Variants in ANKRD12 observed in about 807,000 individuals in gnomAD.
ANKRD12 encodes ankyrin repeat domain-containing protein 12.
In ANKRD12, 85 loss-of-function variants were observed where a neutral mutation model predicts 183.4. That is an observed-to-expected ratio of 0.46 (90% CI 0.39 to 0.56). ANKRD12 has a LOEUF of 0.56. Among genes scored for constraint, ANKRD12 ranks in the 20% least tolerant of loss-of-function variants. The pLI is 0.00. For synonymous variants in ANKRD12, 914 were observed against 800.2 expected (o/e 1.14, Z -2.40); for missense variants, 2,405 against 2,357.1 (o/e 1.02, Z -0.42).
chr18:9,241,785 A>G (rs956660363), intron 8 of ANKRD12, among the ~76,000 whole-genome samples: 3 of 152,132 alleles, frequency 2.0e-5, no homozygotes, highest in Admixed American at 6.6e-5. Flanking sequence ...AAATGTATAT[A>G]TCACCAACTT....
intron 1 of ANKRD12, among the ~76,000 whole-genome samples, chr18:9,165,967 A>G (rs1387448888): frequency 2.0e-5 from 3 of 146,484 alleles, no homozygotes; most frequent in Non-Finnish European, 3.0e-5. Context: ...GAGAACATGC[A>G]CTGTTTGGTT....
intron 6 of ANKRD12, among the ~76,000 whole-genome samples, chr18:9,212,556 C>T (rs1001637657): frequency 5.9e-5 from 9 of 151,782 alleles, no homozygotes; most frequent in East Asian, 1.9e-4. Flanking sequence ...TATAGCATTC[C>T]GTAGGCAACA....
intron 4 of ANKRD12, among the ~76,000 whole-genome samples, chr18:9,207,969 A>G (rs2035580257): frequency 6.6e-6 from 1 of 152,206 alleles, no homozygotes; most frequent in African/African-American, 2.4e-5. Flanking sequence ...GGTTTCCCAG[A>G]TAGTTAAATC....
intron 8 of ANKRD12, among the ~76,000 whole-genome samples, chr18:9,231,560 G>C (rs1399923772): frequency 6.6e-6 from 1 of 151,936 alleles, no homozygotes; most frequent in Non-Finnish European, 1.5e-5. Flanking sequence ...GGGCGCGGTG[G>C]CTCGAGCCTG....
intron 4 of ANKRD12, among the ~76,000 whole-genome samples, chr18:9,204,763 C>A (rs72937283): frequency 6.6e-6 from 1 of 152,144 alleles, no homozygotes; most frequent in Non-Finnish European, 1.5e-5. Context: ...AGCAGGACTG[C>A]CATATACCTC....
intron 8 of ANKRD12, among the ~76,000 whole-genome samples, chr18:9,246,457 G>A (rs970240630): frequency 6.6e-6 from 1 of 152,076 alleles, no homozygotes; most frequent in African/African-American, 2.4e-5. Context: ...CCCTGCCCAT[G>A]AAAAGTTTAT....
At chr18:9,251,929 A>G (rs933828271) in intron 8 of ANKRD12, among the ~76,000 whole-genome samples, 2 of 152,278 alleles carry the variant, frequency 1.3e-5, no homozygotes, top group Admixed American at 1.3e-4. Flanking sequence ...GATGATCAAC[A>G]TTAAAAATTT....
rs117059076 is a variant in ANKRD12, at chr18:9,202,632, C to T, written c.236-1844C>T. On this transcript the variant is annotated intron_variant, in intron 3 of 12. Coordinates refer to ENST00000262126, the MANE Select transcript of ANKRD12 (RefSeq NM_015208.5). The stretch of plus-strand genomic sequence containing the variant: ...AAAATACAAGTGTCACTTGTTTTGC[C>T]TCGCTACAAGGAACATATGTGGGAG... 1.8e-4 allele frequency among the ~76,000 whole-genome samples: 27 copies of T among 152,228 alleles called. No homozygotes were observed. In the East Asian group the frequency reaches 4.8e-3, roughly 27 times the overall value.
rs563541355 is a variant in ANKRD12 at position 9,153,567 on chromosome 18, G to C, written c.-52+16602G>C. On this transcript the variant is annotated intron_variant, in intron 1 of 12. Transcript: ENST00000262126. Reference sequence around the variant, plus strand: ...ACTGTGTGTCCCAGGATGTATTCCAGACAATTTAATCTGAGTTCTTTCACC... The same window carrying C: ...ACTGTGTGTCCCAGGATGTATTCCACACAATTTAATCTGAGTTCTTTCACC... Among the ~76,000 whole-genome samples, 11 of 152,234 alleles carry C rather than the reference G, an allele frequency of 7.2e-5. No homozygotes were observed. In the East Asian group the frequency reaches 1.5e-3, roughly 21 times the overall value.
intron 8 of ANKRD12, among the ~76,000 whole-genome samples, chr18:9,245,593 CAG>C (rs1478644307): frequency 4.6e-5 from 7 of 152,252 alleles, no homozygotes; most frequent in South Asian, 2.1e-4. Context: ...GTGAATATCT[CAG>C]AATCAGGTAA....
intron 3 of ANKRD12, among the ~76,000 whole-genome samples, chr18:9,204,112 G>A (rs2035342710): frequency 6.6e-6 from 1 of 152,144 alleles, no homozygotes; most frequent in Admixed American, 6.5e-5. Context: ...AAAAGTGTAA[G>A]ACAAGTTCTA....
intron 2 of ANKRD12, among the ~76,000 whole-genome samples, chr18:9,187,237 G>T (rs1479746050): frequency 2.0e-5 from 3 of 151,830 alleles, no homozygotes; most frequent in Non-Finnish European, 4.4e-5. Flanking sequence ...ACCAGCCTGG[G>T]CAAGACCCCC....
chr18:9,220,125 T>A (rs1036402931), intron 7 of ANKRD12, among the ~76,000 whole-genome samples: 6 of 152,252 alleles, frequency 3.9e-5, no homozygotes, highest in Non-Finnish European at 8.8e-5. Context: ...CTTTATTCAT[T>A]GTGAATCATT....
chr18:9,201,048 C>T (rs1336693848), intron 3 of ANKRD12, among the ~76,000 whole-genome samples: 1 of 152,174 alleles, frequency 6.6e-6, no homozygotes, highest in African/African-American at 2.4e-5. Context: ...TTTGTTTCTG[C>T]ATCTGATTAG....
At chr18:9,155,951 A>G (rs1013564980) in intron 1 of ANKRD12, among the ~76,000 whole-genome samples, 1 of 152,114 alleles carries the variant, frequency 6.6e-6, no homozygotes, top group Non-Finnish European at 1.5e-5. Flanking sequence ...CCTGGCCAAC[A>G]TGATGAAACC....
intron 5 of ANKRD12, among the ~76,000 whole-genome samples, chr18:9,209,457 T>C (rs531819776): frequency 6.6e-6 from 1 of 152,324 alleles, no homozygotes; most frequent in African/African-American, 2.4e-5. Context: ...CTGGGTTACG[T>C]AACAGTCCAT....
At chr18:9,167,090 A>G (rs2032155760) in intron 1 of ANKRD12, among the ~76,000 whole-genome samples, 1 of 152,128 alleles carries the variant, frequency 6.6e-6, no homozygotes, top group Non-Finnish European at 1.5e-5. Flanking sequence ...CTGTTTTGGT[A>G]CCAGTACCAT....
intron 1 of ANKRD12, among the ~76,000 whole-genome samples, chr18:9,161,953 C>T (rs958191457): frequency 6.6e-6 from 1 of 151,952 alleles, no homozygotes; most frequent in Non-Finnish European, 1.5e-5. Context: ...GCTTTAAACT[C>T]CTGGGTGCAA....
intron 1 of ANKRD12, among the ~76,000 whole-genome samples, chr18:9,162,889 G>A (rs913756008): frequency 6.6e-6 from 1 of 151,990 alleles, no homozygotes; most frequent in Non-Finnish European, 1.5e-5. Context: ...TTTTAATGGG[G>A]TTGGTTGTTT....
Sources: gnomAD v4.1 joint callset for allele counts (sites outside exome capture counted in the v4.1 genomes callset) on GRCh38, gnomAD v4.1.1 for gene constraint, MANE v1.5 for transcripts, NCBI Gene and HGNC (gene_info 2026-07-23, HGNC 2026-07-21) for gene names.